The following CNKSR3 variants were observed in gnomAD, a reference collection of about 807,000 sequenced individuals.
CNKSR3 encodes the protein connector enhancer of kinase suppressor of ras 3.
Under a neutral mutation model 67.7 loss-of-function variants are expected in CNKSR3, and 36 were observed. The observed-to-expected ratio is 0.53, with a 90% confidence interval of 0.41 to 0.70. The LOEUF is 0.70. Among genes scored for constraint, CNKSR3 ranks in the 30% least tolerant of loss-of-function variants. CNKSR3 has a pLI of 0.00. For missense variants in CNKSR3, 630 were observed against 695.2 expected (o/e 0.91, Z 1.05); for synonymous variants, 281 against 271.4 (o/e 1.04, Z -0.35).
intron 1 of CNKSR3, among the ~76,000 whole-genome samples, chr6:154,487,185 T>C (rs913181085): frequency 6.6e-5 from 10 of 152,362 alleles, no homozygotes; most frequent in Admixed American, 2.0e-4. Context: ...CAGTTTACTA[T>C]TTATAAAAGG....
intron 1 of CNKSR3, among the ~76,000 whole-genome samples, chr6:154,488,278 T>C (rs975507280): frequency 1.3e-5 from 2 of 152,346 alleles, no homozygotes; most frequent in Middle Eastern, 3.4e-3. Context: ...TTTCACATCA[T>C]TTACCACTCC....
At chr6:154,419,676 C>T (rs1415620473) in intron 9 of CNKSR3, among the ~76,000 whole-genome samples, 2 of 151,944 alleles carry the variant, frequency 1.3e-5, no homozygotes, top group Non-Finnish European at 2.9e-5. Flanking sequence ...GATATCTGCA[C>T]CCTCATGTTC....
rs992389571 is a variant in CNKSR3 at position 154,510,220 on chromosome 6, G to A, written c.-106C>T. 3 of 1,335,216 alleles carry A rather than the reference G, an allele frequency of 2.2e-6. No individual in the cohort carries two copies. The highest frequency in any genetic ancestry group is 2.3e-5 in the East Asian group (1 of 43,178). The allele number at this position is 1,335,216 out of a possible 1,614,324, so 82.7% of individuals were successfully genotyped here. ...AGGGCGCGCCCGCGGCTGCTCCCCT[G>A]CGCCCGAGCGACTCCGTCAAGACTG... On this transcript the variant is annotated 5_prime_UTR_variant, in exon 1 of 13. Transcript: ENST00000607772.
At chr6:154,468,080 C>CTTTTTTTTCT (rs1554236123) in intron 1 of CNKSR3, among the ~76,000 whole-genome samples, 3 of 107,494 alleles carry the variant, frequency 2.8e-5, no homozygotes, top group African/African-American at 1.2e-4. Context: ...TCTTTTTTTT[C>CTTTTTTTTCT]TTTTTTTTTT....
At chr6:154,491,540 T>C (rs1786784657) in intron 1 of CNKSR3, among the ~76,000 whole-genome samples, 1 of 152,214 alleles carries the variant, frequency 6.6e-6, no homozygotes, top group Admixed American at 6.5e-5. Context: ...AAATACTTAA[T>C]AACAAGGAAT....
At position 154,494,473 on chromosome 6, in the gene CNKSR3, T is replaced by C. The variant is rs532634600; in HGVS notation, c.52+15590A>G. 2.0e-5 allele frequency among the ~76,000 whole-genome samples: 3 copies of C among 152,200 alleles called. No homozygotes were observed. The East Asian group carries it at 5.8e-4, about 29-fold the overall frequency. On this transcript the variant is annotated intron_variant, in intron 1 of 12. Transcript: ENST00000607772. ...TTTGTTTTAATTTTAAAATCAGACA[T>C]GAGAAATTAGCAAGTTTTAATAGAA...
intron 7 of CNKSR3, among the ~76,000 whole-genome samples, chr6:154,424,572 G>C (rs368496020): frequency 2.5e-4 from 38 of 152,306 alleles, no homozygotes; most frequent in African/African-American, 9.1e-4. Flanking sequence ...CTAAATTGTT[G>C]TGACAGGCTC....
At chr6:154,490,450 T>C (rs1326428680) in intron 1 of CNKSR3, among the ~76,000 whole-genome samples, 1 of 152,260 alleles carries the variant, frequency 6.6e-6, no homozygotes, top group Non-Finnish European at 1.5e-5. Context: ...ATATATAATA[T>C]GCATATGTAT....
chr6:154,498,928 G>T (rs576061747), intron 1 of CNKSR3, among the ~76,000 whole-genome samples: 1 of 152,088 alleles, frequency 6.6e-6, no homozygotes, highest in Non-Finnish European at 1.5e-5. Context: ...CTATTTTCTC[G>T]CAATGGAGGG....
Position 154,389,030 on chromosome 6 carries a change from C to T in CNKSR3, c.*17324G>A, listed in dbSNP as rs2128707697. ...CATACATCGCTTGCAAATACTTTCT[C>T]CCATTTCATAGGTTTTCTTTTCACT... On this transcript the variant is annotated 3_prime_UTR_variant, in exon 13 of 13. Transcript: ENST00000607772. The T allele has an allele frequency of 6.6e-6, 1 of 151,790 alleles. No homozygotes were observed. The highest frequency in any genetic ancestry group is 1.5e-5 in the Non-Finnish European group (1 of 67,970). The allele number at this position is 151,790 out of a possible 1,614,324, so 9.4% of individuals were successfully genotyped here. A position where few individuals can be genotyped will look rare whatever the true frequency, so the allele number is the denominator to read the frequency against.
intron 2 of CNKSR3, among the ~76,000 whole-genome samples, chr6:154,443,981 C>G (rs996695694): frequency 6.6e-6 from 1 of 152,142 alleles, no homozygotes; most frequent in African/African-American, 2.4e-5. Context: ...GTCCTAGACT[C>G]CTTTTCAGAG....
At chr6:154,508,756 T>C (rs776222780) in intron 1 of CNKSR3, among the ~76,000 whole-genome samples, 5 of 152,208 alleles carry the variant, frequency 3.3e-5, no homozygotes, top group Non-Finnish European at 7.4e-5. Flanking sequence ...TCTGCTCACT[T>C]GACAAACCCG....
rs1784758640 is a variant in CNKSR3, at chr6:154,404,986, A to G, written c.*1368T>C. On this transcript the variant is annotated 3_prime_UTR_variant, in exon 13 of 13. Coordinates refer to ENST00000607772, the MANE Select transcript of CNKSR3 (RefSeq NM_173515.4). ...GATTTTCATGGGCTGAATTCCAGGC[A>G]GTTCAGCAAACTCAACAATTCCGGT... is the stretch of plus-strand genomic sequence containing the variant. 2 of 152,230 alleles carry G rather than the reference A, an allele frequency of 1.3e-5. No homozygotes were observed. The highest frequency in any genetic ancestry group is 2.9e-5 in the Non-Finnish European group (2 of 68,036). The allele number at this position is 152,230 out of a possible 1,614,324, so 9.4% of individuals were successfully genotyped here.
chr6:154,481,212 T>A (rs765249866), intron 1 of CNKSR3, among the ~76,000 whole-genome samples: 20 of 152,104 alleles, frequency 1.3e-4, no homozygotes, highest in Non-Finnish European at 2.6e-4. Context: ...TTGATAGCAG[T>A]CTTACGCATA....
At chr6:154,466,242 G>T (rs1429051369) in intron 1 of CNKSR3, among the ~76,000 whole-genome samples, 1 of 152,172 alleles carries the variant, frequency 6.6e-6, no homozygotes, top group Non-Finnish European at 1.5e-5. Context: ...TCAAGTAGTT[G>T]TCAGCACAGG....
chr6:154,433,020 C>T (rs1785400852), intron 5 of CNKSR3, among the ~76,000 whole-genome samples: 2 of 152,124 alleles, frequency 1.3e-5, no homozygotes, highest in South Asian at 2.1e-4. Flanking sequence ...CACAGGCTGG[C>T]GTATGTCAAA....
rs747253608 is a variant in CNKSR3, at chr6:154,469,896, A to G, written c.53-19638T>C. On this transcript the variant is annotated intron_variant, in intron 1 of 12. Coordinates refer to ENST00000607772, the MANE Select transcript of CNKSR3 (RefSeq NM_173515.4). ...AAAGTCTATTAACACACAGATTTAT[A>G]TCTACATATATTTTATGCATTCATG... 1.5e-3 allele frequency among the ~76,000 whole-genome samples: 226 copies of G among 152,330 alleles called. 2 individuals carry two copies. Among genetic ancestry groups the G allele is most frequent in the Non-Finnish European group, 2.9e-3 (199 of 68,024 alleles).
intron 1 of CNKSR3, among the ~76,000 whole-genome samples, chr6:154,492,371 C>G (rs901919178): frequency 6.6e-6 from 1 of 152,128 alleles, no homozygotes; most frequent in Non-Finnish European, 1.5e-5. Context: ...CATCTGCACC[C>G]CAATGGCCAG....
chr6:154,507,150 G>A (rs530983390), intron 1 of CNKSR3, among the ~76,000 whole-genome samples: 1 of 152,218 alleles, frequency 6.6e-6, no homozygotes, highest in Non-Finnish European at 1.5e-5. Flanking sequence ...CTGACACACT[G>A]CTTAATAATT....
Sources: allele counts gnomAD v4.1 joint callset (sites outside exome capture counted in the v4.1 genomes callset), GRCh38; gene constraint gnomAD v4.1.1; transcripts MANE v1.5; gene names NCBI Gene and HGNC (gene_info 2026-07-23, HGNC 2026-07-21).